Variants in IMPG1 observed in about 807,000 individuals in gnomAD.
IMPG1 encodes interphotoreceptor matrix proteoglycan 1.
Under a neutral mutation model 92.0 loss-of-function variants are expected in IMPG1, and 85 were observed. That is an observed-to-expected ratio of 0.92 (90% CI 0.78 to 1.11). IMPG1 has a LOEUF of 1.11. IMPG1 is among the 50% of genes least tolerant of loss of function. The pLI, the probability that IMPG1 is intolerant of heterozygous loss-of-function variation, is 0.00. For synonymous variants in IMPG1, 367 were observed against 334.1 expected (o/e 1.10, Z -1.08); for missense variants, 1,022 against 956.0 (o/e 1.07, Z -0.91).
At chr6:75,923,323 A>G (rs1186837848) in intron 16 of IMPG1, among the ~76,000 whole-genome samples, 1 of 152,124 alleles carries the variant, frequency 6.6e-6, no homozygotes, top group Admixed American at 6.5e-5. Context: ...AATATAAATT[A>G]TTACTGTAAA....
intron 1 of IMPG1, among the ~76,000 whole-genome samples, chr6:76,060,031 A>G (rs1015081389): frequency 2.0e-5 from 3 of 152,196 alleles, no homozygotes; most frequent in African/African-American, 7.2e-5. Flanking sequence ...GAAACTTTTC[A>G]CTAATTTTGA....
In IMPG1 at chr6:75,968,842, C is replaced by T. The variant is rs1032280906; in HGVS notation, c.1292-17748G>A. ...GGCCCTCAACCAGATGCAGGACCCT[C>T]GACCTTGGACTTTCCAGCCTCCAGA... is the stretch of plus-strand genomic sequence containing the variant. On this transcript the variant is annotated intron_variant, in intron 12 of 16. Transcript: ENST00000369950. Among the ~76,000 whole-genome samples the T allele has an allele frequency of 9.2e-5, 14 of 152,218 alleles. No individual in the cohort carries two copies. The East Asian group carries it at 2.1e-3, about 23-fold the overall frequency.
chr6:76,030,125 G>A (rs1038858374), intron 4 of IMPG1, among the ~76,000 whole-genome samples: 1 of 152,154 alleles, frequency 6.6e-6, no homozygotes, highest in East Asian at 1.9e-4. Context: ...AATATCTATG[G>A]TATAAATGAG....
At chr6:76,047,414 T>A (rs899217424) in intron 1 of IMPG1, among the ~76,000 whole-genome samples, 1 of 152,220 alleles carries the variant, frequency 6.6e-6, no homozygotes, top group African/African-American at 2.4e-5. Flanking sequence ...ATTCACTGAT[T>A]CACCTGTATT....
chr6:75,990,532 T>C (rs1347241069), intron 12 of IMPG1, among the ~76,000 whole-genome samples: 1 of 150,908 alleles, frequency 6.6e-6, no homozygotes, highest in Non-Finnish European at 1.5e-5. Flanking sequence ...GGCAGGAGGA[T>C]TGCTTGAGCC....
In IMPG1 at chr6:75,976,840, A is replaced by G. The variant is rs1782544707; in HGVS notation, c.1292-25746T>C. Among the ~76,000 whole-genome samples the G allele has an allele frequency of 2.0e-5, 3 of 151,808 alleles. No homozygotes were observed. In the South Asian group the frequency reaches 6.3e-4, roughly 32 times the overall value. The stretch of plus-strand genomic sequence containing the variant: ...GGCATGAGAATGGCATGAACCCAGA[A>G]GGAGGAGCTTGCAGTGAACTGAGAT... On this transcript the variant is annotated intron_variant, in intron 12 of 16. Transcript: ENST00000369950.
chr6:76,051,973 A>T (rs1296344535), intron 1 of IMPG1, among the ~76,000 whole-genome samples: 4 of 151,740 alleles, frequency 2.6e-5, no homozygotes, highest in African/African-American at 9.7e-5. Flanking sequence ...ACCTCATTGC[A>T]CACACACAAG....
At chr6:75,927,581 A>G (rs1039285656) in intron 15 of IMPG1, among the ~76,000 whole-genome samples, 27 of 152,162 alleles carry the variant, frequency 1.8e-4, no homozygotes, top group African/African-American at 6.5e-4. Flanking sequence ...CATAGGGGCA[A>G]CGGGTTTGTC....
chr6:75,963,789 A>G (rs189224236), intron 12 of IMPG1, among the ~76,000 whole-genome samples: 1 of 152,166 alleles, frequency 6.6e-6, no homozygotes, highest in Non-Finnish European at 1.5e-5. Context: ...TACTCCAGGG[A>G]GCAGAATGGA....
At chr6:75,997,654 C>T (rs1782924997) in intron 12 of IMPG1, among the ~76,000 whole-genome samples, 1 of 152,144 alleles carries the variant, frequency 6.6e-6, no homozygotes, top group South Asian at 2.1e-4. Context: ...ACATATCCTC[C>T]AGGCATTTAC....
chr6:76,020,801 A>C (rs1282396171), intron 6 of IMPG1, among the ~76,000 whole-genome samples: 1 of 152,156 alleles, frequency 6.6e-6, no homozygotes, highest in Admixed American at 6.6e-5. Context: ...TTCTCATCAG[A>C]TGGGTTTTAT....
chr6:76,034,557 A>T, intron 3 of IMPG1, 64 bp downstream of exon 3: 1 of 1,548,280 alleles, frequency 6.5e-7, no homozygotes, highest in Non-Finnish European at 8.9e-7. Flanking sequence ...CAAAAGGCCT[A>T]GGGGCTGGAG....
intron 1 of IMPG1, 109 bp from the exon 2 acceptor site, chr6:76,042,235 T>C: frequency 1.5e-6 from 1 of 685,002 alleles, no homozygotes; most frequent in Non-Finnish European, 2.5e-6. Context: ...CTTTAGTTTA[T>C]GAAATTTCTA....
At chr6:76,022,607 T>C (rs994069074) in intron 5 of IMPG1, among the ~76,000 whole-genome samples, 2 of 152,204 alleles carry the variant, frequency 1.3e-5, no homozygotes, top group Non-Finnish European at 2.9e-5. Flanking sequence ...GTAGATTGCT[T>C]AAGCAATCAT....
rs189241580 is a variant in IMPG1 at position 76,035,360 on chromosome 6, G to A, written c.302-573C>T. On this transcript the variant is annotated intron_variant, in intron 2 of 16. Coordinates refer to ENST00000369950, the MANE Select transcript of IMPG1 (RefSeq NM_001563.4). ...ACTAAAAATACAAAATTAGCTGGGC[G>A]TGTTGGTGCATGCCTGTAGTCCCAG... is the stretch of plus-strand genomic sequence containing the variant. Among the ~76,000 whole-genome samples, 848 of 152,150 alleles carry A rather than the reference G, an allele frequency of 5.6e-3. 10 individuals carry two copies. Among genetic ancestry groups the A allele is most frequent in the African/African-American group, 0.019 (800 of 41,502 alleles).
intron 7 of IMPG1, among the ~76,000 whole-genome samples, chr6:76,018,170 A>G (rs901651110): frequency 2.0e-5 from 3 of 152,180 alleles, no homozygotes; most frequent in Admixed American, 1.3e-4. Context: ...CATATATACT[A>G]CATTTTTTTT....
chr6:76,047,798 G>A (rs753176091), intron 1 of IMPG1, among the ~76,000 whole-genome samples: 29 of 152,126 alleles, frequency 1.9e-4, no homozygotes, highest in Non-Finnish European at 1.5e-4. Flanking sequence ...TGTCTTGCCC[G>A]CATCCATTAT....
In IMPG1 at chr6:75,966,767, A is replaced by C. The variant is rs12660461; in HGVS notation, c.1292-15673T>G. On this transcript the variant is annotated intron_variant, in intron 12 of 16. Coordinates refer to ENST00000369950, the MANE Select transcript of IMPG1 (RefSeq NM_001563.4). ...AGAGGACAGGATAAAATGTAGAAGA[A>C]AGACAAAAGAAAGCCTACATTTATG... Among the ~76,000 whole-genome samples the C allele has an allele frequency of 5.1e-3, 754 of 147,654 alleles. 24 individuals are homozygous for C. In the East Asian group the frequency reaches 0.11, roughly 21 times the overall value.
intron 1 of IMPG1, among the ~76,000 whole-genome samples, chr6:76,054,184 A>T (rs1212178997): frequency 2.6e-5 from 4 of 152,156 alleles, no homozygotes; most frequent in African/African-American, 9.7e-5. Context: ...CTTGCTTATT[A>T]TGTAGTTGTA....
Sources: allele counts gnomAD v4.1 joint callset (sites outside exome capture counted in the v4.1 genomes callset), GRCh38; gene constraint gnomAD v4.1.1; transcripts MANE v1.5; gene names NCBI Gene and HGNC (gene_info 2026-07-23, HGNC 2026-07-21).